The following RBFOX1 variants were observed in gnomAD, a reference collection of about 807,000 sequenced individuals.
RBFOX1 encodes RNA binding fox-1 homolog 1.
RBFOX1 carries 8 observed loss-of-function variants against 57.7 expected under a neutral mutation model. The observed-to-expected ratio is 0.14, with a 90% CI of 0.08 to 0.25. The LOEUF is 0.25. RBFOX1 is among the 10% of genes least tolerant of loss of function. RBFOX1 has a pLI of 1.00. For synonymous variants in RBFOX1, 326 were observed against 222.4 expected (o/e 1.47, Z -4.15); for missense variants, 611 against 548.5 (o/e 1.11, Z -1.14).
At chr16:6,580,719 G>A (rs1267401994) in intron 2 of RBFOX1, among the ~76,000 whole-genome samples, 3 of 152,108 alleles carry the variant, frequency 2.0e-5, no homozygotes, top group African/African-American at 7.2e-5. Context: ...TTCTAGAGAT[G>A]AGACCAGCTG....
chr16:6,780,201 T>TA (rs1567214136), intron 3 of RBFOX1, among the ~76,000 whole-genome samples: 2 of 16,458 alleles, frequency 1.2e-4, no homozygotes, highest in African/African-American at 1.3e-3. Flanking sequence ...TTATATATTT[T>TA]TATATATTTA....
At chr16:5,627,197 A>T (rs1400789238) in intron 3 of RBFOX1, among the ~76,000 whole-genome samples, 1 of 152,230 alleles carries the variant, frequency 6.6e-6, no homozygotes, top group African/African-American at 2.4e-5. Flanking sequence ...CTGTAATTTT[A>T]AATAATTTGA....
intron 1 of RBFOX1, among the ~76,000 whole-genome samples, chr16:6,312,559 C>G (rs974983298): frequency 1.3e-5 from 2 of 152,142 alleles, no homozygotes; most frequent in Non-Finnish European, 1.5e-5. Context: ...ATTTCTGGCA[C>G]TATGCTAGAC....
intron 2 of RBFOX1, among the ~76,000 whole-genome samples, chr16:5,519,578 A>T (rs908375390): frequency 1.3e-5 from 2 of 152,156 alleles, no homozygotes; most frequent in Non-Finnish European, 1.5e-5. Flanking sequence ...AAAAAAAATT[A>T]TCCAGGTGTG....
intron 1 of RBFOX1, among the ~76,000 whole-genome samples, chr16:6,174,650 A>G (rs1393243140): frequency 6.6e-6 from 1 of 152,178 alleles, no homozygotes; most frequent in Non-Finnish European, 1.5e-5. Context: ...AAAAGTTAGG[A>G]TATCAGCACA....
At chr16:7,439,973 A>T (rs1421346545) in intron 4 of RBFOX1, among the ~76,000 whole-genome samples, 2 of 134,008 alleles carry the variant, frequency 1.5e-5, no homozygotes, top group African/African-American at 2.7e-5. Flanking sequence ...TTTTTTTGAG[A>T]CAGGGTCTCA....
chr16:6,317,057 A>T lies in RBFOX1; in HGVS notation c.-64A>T, dbSNP rs1037389403. 3.9e-6 allele frequency: 6 copies of T among 1,534,294 alleles called. No homozygotes were observed. Among genetic ancestry groups the T allele is most frequent in the African/African-American group, 2.7e-5 (2 of 72,988 alleles). On this transcript the variant is annotated splice_region_variant and 5_prime_UTR_variant, in exon 2 of 16. Coordinates refer to ENST00000550418, the MANE Select transcript of RBFOX1 (RefSeq NM_018723.4). Reference sequence around the variant, plus strand: ...GCTTCCTTGATCGGACTCAGCATTCAGTAAGTGCAACCCATTTTGAACATT... The same window carrying T: ...GCTTCCTTGATCGGACTCAGCATTCTGTAAGTGCAACCCATTTTGAACATT...
At chr16:5,898,332 G>T (rs977005839) in intron 4 of RBFOX1, among the ~76,000 whole-genome samples, 1 of 152,026 alleles carries the variant, frequency 6.6e-6, no homozygotes, top group Non-Finnish European at 1.5e-5. Context: ...ACCATGTCAG[G>T]GTATCATAGA....
intron 4 of RBFOX1, among the ~76,000 whole-genome samples, chr16:7,234,337 T>C (rs1445711909): frequency 6.6e-6 from 1 of 152,042 alleles, no homozygotes; most frequent in Non-Finnish European, 1.5e-5. Flanking sequence ...ATACAGTGAG[T>C]TGAGATGAGG....
chr16:6,942,768 T>A (rs1488043305), intron 3 of RBFOX1, among the ~76,000 whole-genome samples: 1 of 152,056 alleles, frequency 6.6e-6, no homozygotes, highest in Non-Finnish European at 1.5e-5. Context: ...AGGTAAAAAA[T>A]AAGGGCAAAT....
intron 4 of RBFOX1, among the ~76,000 whole-genome samples, chr16:7,096,070 C>T (rs1206236529): frequency 4.0e-5 from 6 of 151,316 alleles, no homozygotes; most frequent in Non-Finnish European, 8.8e-5. Context: ...GCATCTAATG[C>T]ATGAGATATT....
intron 4 of RBFOX1, among the ~76,000 whole-genome samples, chr16:7,517,372 A>G (rs2076594812): frequency 6.6e-6 from 1 of 152,156 alleles, no homozygotes; most frequent in Admixed American, 6.5e-5. Context: ...GCTCATAAAA[A>G]AATAAGGCAG....
At chr16:5,360,027 C>G (rs1258966991) in intron 1 of RBFOX1, among the ~76,000 whole-genome samples, 1 of 152,234 alleles carries the variant, frequency 6.6e-6, no homozygotes, top group Admixed American at 6.5e-5. Flanking sequence ...AAGATGTCCT[C>G]TCATGAGCAT....
At chr16:5,240,058 C>A (rs1268275406) in exon 1 of RBFOX1, 2 of 1,531,870 alleles carry the variant, frequency 1.3e-6, no homozygotes, top group Non-Finnish European at 1.7e-6. Flanking sequence ...CGCGCCGCGG[C>A]CGGGCAGGGA....
chr16:5,362,703 C>T (rs2151343294), intron 1 of RBFOX1, among the ~76,000 whole-genome samples: 1 of 152,174 alleles, frequency 6.6e-6, no homozygotes, highest in East Asian at 1.9e-4. Flanking sequence ...CAACTCCCCA[C>T]CCTCTCCCCT....
At chr16:7,367,576 A>G (rs1029231165) in intron 4 of RBFOX1, among the ~76,000 whole-genome samples, 5 of 152,202 alleles carry the variant, frequency 3.3e-5, no homozygotes, top group African/African-American at 1.2e-4. Flanking sequence ...ATGGAAATCT[A>G]ATCAGCTCAC....
Position 7,577,320 on chromosome 16 carries a change from T to C in RBFOX1, c.271-2457T>C, listed in dbSNP as rs111882661. Among the ~76,000 whole-genome samples the C allele has an allele frequency of 1.6e-3, 240 of 152,264 alleles. 1 individual carries two copies. The highest frequency in any genetic ancestry group is 5.4e-3 in the African/African-American group (224 of 41,532). The stretch of plus-strand genomic sequence containing the variant: ...CCTTTGATCTAGCCCCTTGACTATC[T>C]TTGAAACCTGTCCTCCTGCCTTCCC... On this transcript the variant is annotated intron_variant, in intron 5 of 15. Transcript: ENST00000550418.
At chr16:6,744,116 A>G (rs2154185202) in intron 3 of RBFOX1, among the ~76,000 whole-genome samples, 1 of 152,284 alleles carries the variant, frequency 6.6e-6, no homozygotes, top group South Asian at 2.1e-4. Context: ...AATAGATTCT[A>G]GAGAAAAATA....
At chr16:5,307,064 G>T (rs1483350463) in intron 1 of RBFOX1, among the ~76,000 whole-genome samples, 2 of 152,084 alleles carry the variant, frequency 1.3e-5, no homozygotes, top group Non-Finnish European at 2.9e-5. Flanking sequence ...TCCGTGGTGG[G>T]GGGTGGAGTG....
Sources: gnomAD v4.1 joint callset for allele counts (sites outside exome capture counted in the v4.1 genomes callset) on GRCh38, gnomAD v4.1.1 for gene constraint, MANE v1.5 for transcripts, NCBI Gene and HGNC (gene_info 2026-07-23, HGNC 2026-07-21) for gene names.